Variants in RRP7A observed in about 807,000 individuals in gnomAD.
The protein encoded by RRP7A is ribosomal RNA processing 7 homolog A.
A neutral mutation model predicts 38.4 loss-of-function variants in RRP7A; 27 were observed. The ratio of observed to expected loss-of-function variants is 0.70; its 90% CI spans 0.52 to 0.97. RRP7A has a LOEUF of 0.97. Among genes scored for constraint, RRP7A ranks in the 50% least tolerant of loss-of-function variants. RRP7A has a pLI of 0.00. For missense variants in RRP7A, 327 were observed against 375.4 expected, an observed-to-expected ratio of 0.87 and a Z score of 1.07; for synonymous variants, 124 against 150.3, an observed-to-expected ratio of 0.83 and a Z score of 1.28.
At position 42,511,224 on chromosome 22, in the gene RRP7A, T is replaced by A. The variant is rs1201729478; in HGVS notation, c.*1686A>T. The A allele has an allele frequency of 6.6e-6, 1 of 152,070 alleles. No homozygotes were observed. Among genetic ancestry groups the A allele is most frequent in the African/African-American group, 2.4e-5 (1 of 41,266 alleles). 9.4% of individuals were successfully genotyped at this position (152,070 alleles called of 1,614,324 possible). On this transcript the variant is annotated 3_prime_UTR_variant, in exon 7 of 7. Transcript: ENST00000323013. ...TGGAGTCTCACTCTGTCGCTCAGGC[T>A]GGAGTGCAGTGGGAAGATCTCAGCT...
rs558877929 is a variant in RRP7A, at chr22:42,511,730, G to A, written c.*1180C>T. 8 of 181,356 alleles carry A rather than the reference G, an allele frequency of 4.4e-5. No homozygotes were observed. The South Asian group carries it at 9.5e-4, about 22-fold the overall frequency. 11.2% of individuals were successfully genotyped at this position (181,356 alleles called of 1,614,324 possible). On this transcript the variant is annotated 3_prime_UTR_variant, in exon 7 of 7. Coordinates refer to ENST00000323013, the MANE Select transcript of RRP7A (RefSeq NM_015703.5). ...GGCTGGCCGCCAGGTCAGAGCCAAG[G>A]CAGGCAGGGCCTTCCTGTCTGGCTT...
Position 42,511,854 on chromosome 22 carries a change from C to A in RRP7A, c.*1056G>T. On this transcript the variant is annotated 3_prime_UTR_variant, in exon 7 of 7. Coordinates refer to ENST00000323013, the MANE Select transcript of RRP7A (RefSeq NM_015703.5). ...ACAATCACAGCAACCCTGGCCTCGG[C>A]CCTGCCCTGTCCCTGCCATGCAACT... 1.9e-6 allele frequency: 1 copy of A among 530,290 alleles called. No homozygotes were observed. The highest frequency in any genetic ancestry group is 2.1e-5 in the South Asian group (1 of 46,912). 32.8% of individuals were successfully genotyped at this position (530,290 alleles called of 1,614,324 possible). A position where few individuals can be genotyped will look rare whatever the true frequency, so the allele number is the denominator to read the frequency against.
rs558939549 is a variant in RRP7A at position 42,515,469 on chromosome 22, G to A, written c.343-201C>T. Among the ~76,000 whole-genome samples, 3 of 152,380 alleles carry A rather than the reference G, an allele frequency of 2.0e-5. No homozygotes were observed. The East Asian group carries it at 5.8e-4, about 29-fold the overall frequency. ...TCCAGTAATCCTGCTTCTGCGGGAA[G>A]TGACGGCTGTTCCCAACTCCTCCCC... On this transcript the variant is annotated intron_variant, in intron 3 of 6. Coordinates refer to ENST00000323013, the MANE Select transcript of RRP7A (RefSeq NM_015703.5).
rs1030733938 is a variant in RRP7A, at chr22:42,511,258, C to A, written c.*1652G>T. 1.3e-5 allele frequency: 2 copies of A among 151,898 alleles called. No individual in the cohort carries two copies. The highest frequency in any genetic ancestry group is 2.9e-5 in the Non-Finnish European group (2 of 68,094). 9.4% of individuals were successfully genotyped at this position (151,898 alleles called of 1,614,324 possible). ...GTGGGAAGATCTCAGCTTACTGTAACCTCCACCTCCCGGGTTCAAGCGACT... is the reference window on the plus strand; with the variant it reads ...GTGGGAAGATCTCAGCTTACTGTAAACTCCACCTCCCGGGTTCAAGCGACT... On this transcript the variant is annotated 3_prime_UTR_variant, in exon 7 of 7. Coordinates refer to ENST00000323013, the MANE Select transcript of RRP7A (RefSeq NM_015703.5).
In RRP7A at chr22:42,519,742, G is replaced by A; in HGVS notation, c.45C>T (p.Asp15=). 1.4e-6 allele frequency: 2 copies of A among 1,456,970 alleles called. No individual in the cohort carries two copies. Among genetic ancestry groups the A allele is most frequent in the Admixed American group, 2.6e-5 (1 of 38,276 alleles). The allele number at this position is 1,456,970 out of a possible 1,614,324, so 90.3% of individuals were successfully genotyped here. A position where few individuals can be genotyped will look rare whatever the true frequency, so the allele number is the denominator to read the frequency against. The change falls in exon 1 of 7, where the codon GAC becomes GAT. Residue 15 remains aspartate (D), a synonymous_variant. Coordinates refer to ENST00000323013, the MANE Select transcript of RRP7A (RefSeq NM_015703.5). ...CGTAGCCCAGTGGGCTGGGGATACG[G>A]TCCTCCGGGTCCCGCGCGGCGCACT... The part of the protein sequence containing the change: ...RRKCAARDPE[D]RIPSPLGYAA...
chr22:42,509,225 T>C lies in RRP7A; in HGVS notation c.*3685A>G. The C allele has an allele frequency of 6.5e-7, 1 of 1,540,760 alleles. No homozygotes were observed. The highest frequency in any genetic ancestry group is 2.1e-5 in the Admixed American group (1 of 48,636). On this transcript the variant is annotated 3_prime_UTR_variant, in exon 7 of 7. Transcript: ENST00000323013. ...GTTCTCTGCGTGTCGACCACATCGC[T>C]AAGACTCAAGATCTTTTTTGGGAAG...
rs1443067857 is a variant in RRP7A at position 42,519,084 on chromosome 22, C to T, written c.73+630G>A. On this transcript the variant is annotated intron_variant, in intron 1 of 6. Coordinates refer to ENST00000323013, the MANE Select transcript of RRP7A (RefSeq NM_015703.5). ...GCAAAAACCCAGAGGGGGGAAAAAG[C>T]ATGTTCCCTCAGAGGAACAGAAAGA... 1.8e-4 allele frequency among the ~76,000 whole-genome samples: 27 copies of T among 148,980 alleles called. 1 individual carries two copies. The highest frequency in any genetic ancestry group is 3.9e-4 in the Non-Finnish European group (26 of 67,388).
At chr22:42,518,910 C>T (rs1920938975) in intron 1 of RRP7A, among the ~76,000 whole-genome samples, 1 of 151,606 alleles carries the variant, frequency 6.6e-6, no homozygotes, top group Non-Finnish European at 1.5e-5. Context: ...AAGCATACAG[C>T]AAACTTGTAT....
rs1932482184 is a variant in RRP7A, at chr22:42,512,070, C to T, written c.*840G>A. ...CTGACCCCGGGGCCCATGGAGCTCCCTAGGCTCCTCTGGCCACATCTCACT... is the reference window on the plus strand; with the variant it reads ...CTGACCCCGGGGCCCATGGAGCTCCTTAGGCTCCTCTGGCCACATCTCACT... On this transcript the variant is annotated 3_prime_UTR_variant, in exon 7 of 7. Coordinates refer to ENST00000323013, the MANE Select transcript of RRP7A (RefSeq NM_015703.5). The T allele has an allele frequency of 2.1e-6, 3 of 1,458,440 alleles. No homozygotes were observed. In the South Asian group the frequency reaches 3.4e-5, roughly 16 times the overall value. 90.3% of individuals were successfully genotyped at this position (1,458,440 alleles called of 1,614,324 possible).
chr22:42,508,907 C>A lies in RRP7A; in HGVS notation c.*4003G>T. On this transcript the variant is annotated 3_prime_UTR_variant, in exon 7 of 7. Coordinates refer to ENST00000323013, the MANE Select transcript of RRP7A (RefSeq NM_015703.5). ...AGTGATGTGGGGTCCTGGGCTCAGA[C>A]CCAGGGTGGGTGGCTAAGGTGCCCT... The A allele has an allele frequency of 2.2e-6, 3 of 1,393,554 alleles. No homozygotes were observed. 86.3% of individuals were successfully genotyped at this position (1,393,554 alleles called of 1,614,324 possible). A position where few individuals can be genotyped will look rare whatever the true frequency, so the allele number is the denominator to read the frequency against.
chr22:42,510,322 T>G lies in RRP7A; in HGVS notation c.*2588A>C, dbSNP rs1007359403. On this transcript the variant is annotated 3_prime_UTR_variant, in exon 7 of 7. Transcript: ENST00000323013. ...CATAAATTCTCTCTCAGAGCAAGTG[T>G]GGGCTCCAGCGCCTGTTCAGATCCC... The G allele has an allele frequency of 6.1e-6, 1 of 164,444 alleles. No homozygotes were observed. The highest frequency in any genetic ancestry group is 2.4e-5 in the African/African-American group (1 of 41,920). 10.2% of individuals were successfully genotyped at this position (164,444 alleles called of 1,614,324 possible). A position where few individuals can be genotyped will look rare whatever the true frequency, so the allele number is the denominator to read the frequency against.
In RRP7A at chr22:42,509,265, G is replaced by A. The variant is rs1326908867; in HGVS notation, c.*3645C>T. On this transcript the variant is annotated 3_prime_UTR_variant, in exon 7 of 7. Coordinates refer to ENST00000323013, the MANE Select transcript of RRP7A (RefSeq NM_015703.5). ...TTTTTGGGAAGCCCCCCTGGCAGCA[G>A]GGTCATGGAAGGAGGAAGGTCAGAG... is the stretch of plus-strand genomic sequence containing the variant. Among the ~76,000 whole-genome samples, 3 of 151,906 alleles carry A rather than the reference G, an allele frequency of 2.0e-5. No individual in the cohort carries two copies. The highest frequency in any genetic ancestry group is 7.2e-5 in the African/African-American group (3 of 41,406).
Position 42,514,228 on chromosome 22 carries a change from C to T in RRP7A, c.635G>A (p.Arg212Gln), listed in dbSNP as rs528397743. The T allele has an allele frequency of 3.3e-5, 53 of 1,608,524 alleles. No individual in the cohort carries two copies. In the East Asian group the frequency reaches 6.2e-4, roughly 19 times the overall value. The change falls in exon 6 of 7, where the codon CGG (arginine) becomes CAG (glutamine). Residue 212 changes from arginine to glutamine, a missense_variant. By Grantham distance (43) the Arg-to-Gln change is conservative. Around this residue, in one of 5 missense-constraint regions of RRP7A, gnomAD observed 46 missense variants for 93.0 expected, o/e 0.49. Transcript: ENST00000323013. ...TGCCTCAGTCCGGGGGAGCACAGGC[C>T]GCCGGCCCCGGCGGGTCACCTTCAC... ...GWVKVTRRGR[R>Q]PVLPRTEAAS... is the part of the protein sequence containing the mutation.
At position 42,509,231 on chromosome 22, in the gene RRP7A, T is replaced by C; in HGVS notation, c.*3679A>G. On this transcript the variant is annotated 3_prime_UTR_variant, in exon 7 of 7. Transcript: ENST00000323013. ...TGCGTGTCGACCACATCGCTAAGAC[T>C]CAAGATCTTTTTTGGGAAGCCCCCC... is the stretch of plus-strand genomic sequence containing the variant. The C allele has an allele frequency of 1.3e-6, 2 of 1,525,766 alleles. No homozygotes were observed. Among genetic ancestry groups the C allele is most frequent in the Non-Finnish European group, 1.8e-6 (2 of 1,132,162 alleles). 94.5% of individuals were successfully genotyped at this position (1,525,766 alleles called of 1,614,324 possible). A position where few individuals can be genotyped will look rare whatever the true frequency, so the allele number is the denominator to read the frequency against.
chr22:42,518,126 T>C lies in RRP7A; in HGVS notation c.95A>G (p.Glu32Gly). The C allele has an allele frequency of 6.2e-7, 1 of 1,613,458 alleles. No individual in the cohort carries two copies. The highest frequency in any genetic ancestry group is 8.5e-7 in the Non-Finnish European group (1 of 1,179,766). The stretch of plus-strand genomic sequence containing the variant: ...GAGGTAGTGAGAAGCCTGTTGCTTT[T>C]CAGAGAACTTGATTGGAATAGCTGG... ...GYAAIPIKFS[E>G]KQQASHYLYV... Residue 32 changes from glutamate (E) to glycine (G), a missense_variant, in exon 2 of 7, where the codon GAA (glutamate) becomes GGA (glycine). Around this residue, in one of 5 missense-constraint regions of RRP7A, gnomAD observed 183 missense variants for 141.8 expected, o/e 1.29. Coordinates refer to ENST00000323013, the MANE Select transcript of RRP7A (RefSeq NM_015703.5).
intron 1 of RRP7A, among the ~76,000 whole-genome samples, chr22:42,518,925 T>A (rs113687186): frequency 2.7e-5 from 4 of 146,258 alleles, no homozygotes; most frequent in African/African-American, 1.0e-4. Context: ...TTGTATCAAT[T>A]GTGAAAGAAA....
rs1481331958 is a variant in RRP7A at position 42,512,049 on chromosome 22, C to A, written c.*861G>T. On this transcript the variant is annotated 3_prime_UTR_variant, in exon 7 of 7. Transcript: ENST00000323013. ...CTGGAATGCTGTGGGAGGGCCCTGA[C>A]CCCGGGGCCCATGGAGCTCCCTAGG... 7 of 1,197,972 alleles carry A rather than the reference C, an allele frequency of 5.8e-6. No homozygotes were observed. Among genetic ancestry groups the A allele is most frequent in the African/African-American group, 1.5e-5 (1 of 67,710 alleles). 74.2% of individuals were successfully genotyped at this position (1,197,972 alleles called of 1,614,324 possible).
intron 2 of RRP7A, among the ~76,000 whole-genome samples, chr22:42,516,913 C>T (rs377472502): frequency 2.0e-3 from 308 of 152,280 alleles, no homozygotes; most frequent in African/African-American, 6.5e-3. Flanking sequence ...CCCTCTTCTA[C>T]ATGCTTCTTT....
In RRP7A at chr22:42,515,585, G is replaced by C. The variant is rs550865566; in HGVS notation, c.343-317C>G. On this transcript the variant is annotated intron_variant, in intron 3 of 6. Transcript: ENST00000323013. ...TCGCCCTGGGCCAGGGCAGGTTTTT[G>C]GAAGCCAGGCCTGGGCGCACACACC... 3.7e-3 allele frequency among the ~76,000 whole-genome samples: 570 copies of C among 152,298 alleles called. 9 individuals carry two copies. The highest frequency in any genetic ancestry group is 0.013 in the African/African-American group (552 of 41,548).
Sources: gnomAD v4.1 joint callset for allele counts (sites outside exome capture counted in the v4.1 genomes callset) on GRCh38, gnomAD v4.1.1 for gene constraint, gnomAD v4.1.1 regional missense constraint, MANE v1.5 for transcripts, NCBI Gene and HGNC (gene_info 2026-07-23, HGNC 2026-07-21) for gene names.